BCO1: variants seen among roughly 807,000 people sequenced by gnomAD.
The protein encoded by BCO1 is beta-carotene oxygenase 1, also known as beta,beta-carotene 15,15'-dioxygenase.
A neutral mutation model predicts 56.3 loss-of-function variants in BCO1; 54 were observed. That is an observed-to-expected ratio of 0.96 (90% CI 0.77 to 1.20). The LOEUF (loss-of-function observed/expected upper bound fraction) is 1.20, where lower values mean the gene tolerates loss of function less well. Among genes scored for constraint, BCO1 ranks in the 50% most tolerant of loss-of-function variants. BCO1 has a pLI of 0.00. For synonymous variants in BCO1, 318 were observed against 266.1 expected (o/e 1.20, Z -1.90); for missense variants, 801 against 690.9 (o/e 1.16, Z -1.79).
chr16:81,281,964 G>A (rs913969470), intron 8 of BCO1, among the ~76,000 whole-genome samples: 1 of 152,234 alleles, frequency 6.6e-6, no homozygotes, highest in African/African-American at 2.4e-5. Context: ...TGCTCACAGC[G>A]TATCAGCAGC....
chr16:81,273,024 C>T (rs1409491418), intron 7 of BCO1, among the ~76,000 whole-genome samples: 1 of 151,988 alleles, frequency 6.6e-6, no homozygotes, highest in Non-Finnish European at 1.5e-5. Flanking sequence ...GGCTGGAGTG[C>T]AGTGGTTTAA....
At position 81,274,306 on chromosome 16, in the gene BCO1, C is replaced by A. The variant is rs540569492; in HGVS notation, c.1101+3890C>A. Among the ~76,000 whole-genome samples, 61 of 144,084 alleles carry A rather than the reference C, an allele frequency of 4.2e-4. No individual in the cohort carries two copies. The South Asian group carries it at 0.011, about 27-fold the overall frequency. 94.5% of individuals were successfully genotyped at this position (144,084 alleles called of 152,430 possible). On this transcript the variant is annotated intron_variant, in intron 7 of 10. Coordinates refer to ENST00000258168, the MANE Select transcript of BCO1 (RefSeq NM_017429.3). ...TGAGACAGAGTCTCGCTCTGTCGCC[C>A]AGGCTGGAGTGCAGTGGCGTGATCT...
intron 8 of BCO1, among the ~76,000 whole-genome samples, chr16:81,282,758 C>T (rs190449479): frequency 3.5e-4 from 53 of 152,218 alleles, no homozygotes; most frequent in African/African-American, 1.2e-3. Flanking sequence ...AGAAACCACC[C>T]GTAATCCCTG....
intron 3 of BCO1, among the ~76,000 whole-genome samples, chr16:81,260,283 A>G (rs1188184839): frequency 2.0e-5 from 3 of 151,530 alleles, no homozygotes; most frequent in Non-Finnish European, 4.4e-5. Flanking sequence ...CACTCTACAG[A>G]AGCTTTTCCA....
intron 2 of BCO1, among the ~76,000 whole-genome samples, chr16:81,249,730 G>C (rs549711828): frequency 6.6e-6 from 1 of 152,288 alleles, no homozygotes; most frequent in Non-Finnish European, 1.5e-5. Context: ...TCTGGCATTG[G>C]CTGGGAAAAT....
intron 7 of BCO1, among the ~76,000 whole-genome samples, chr16:81,271,890 C>T (rs1907239306): frequency 6.6e-6 from 1 of 151,904 alleles, no homozygotes; most frequent in Non-Finnish European, 1.5e-5. Context: ...GCTGGGATTA[C>T]AGGTGCCCAC....
chr16:81,287,441 C>T (rs373199983), intron 10 of BCO1, 35 bp downstream of exon 10: 24 of 1,527,300 alleles, frequency 1.6e-5, no homozygotes, highest in Non-Finnish European at 1.9e-5. Flanking sequence ...AGTTGCTGCA[C>T]GTTACTGCAG....
chr16:81,260,917 T>A (rs1238982535), intron 3 of BCO1, among the ~76,000 whole-genome samples: 5 of 152,218 alleles, frequency 3.3e-5, no homozygotes, highest in Admixed American at 6.5e-5. Flanking sequence ...ATCTTCTTTC[T>A]GAAACTCTCT....
intron 7 of BCO1, among the ~76,000 whole-genome samples, chr16:81,279,509 A>C (rs1312653406): frequency 6.6e-6 from 1 of 152,248 alleles, no homozygotes; most frequent in Non-Finnish European, 1.5e-5. Flanking sequence ...GAAGCAGCTG[A>C]CATTCATCTA....
At chr16:81,284,707 A>T (rs1268540117) in intron 8 of BCO1, among the ~76,000 whole-genome samples, 1 of 151,846 alleles carries the variant, frequency 6.6e-6, no homozygotes, top group Non-Finnish European at 1.5e-5. Flanking sequence ...TTGGTCTCAA[A>T]CTCCTGGCCT....
intron 1 of BCO1, among the ~76,000 whole-genome samples, chr16:81,240,059 T>G (rs916207904): frequency 1.2e-4 from 18 of 151,910 alleles, no homozygotes; most frequent in Non-Finnish European, 1.9e-4. Flanking sequence ...TGGGAGTCTT[T>G]TGAAACAAAA....
At position 81,262,291 on chromosome 16, in the gene BCO1, C is replaced by T. The variant is rs754667038; in HGVS notation, c.471+8C>T. The T allele has an allele frequency of 8.7e-6, 14 of 1,611,132 alleles. No individual in the cohort carries two copies. Among genetic ancestry groups the T allele is most frequent in the South Asian group, 3.3e-5 (3 of 91,022 alleles). On this transcript the variant is annotated splice_region_variant and intron_variant, in intron 4 of 10. Transcript: ENST00000258168. ...CTGGAAACCCTGGAGAAGGTATCAA[C>T]ACATATGTAACCAGCATCACTTCCT... is the stretch of plus-strand genomic sequence containing the variant.
In BCO1 at chr16:81,251,258, T is replaced by TA. The variant is rs529248705; in HGVS notation, c.193+5665dup. On this transcript the variant is annotated intron_variant, in intron 2 of 10. Coordinates refer to ENST00000258168, the MANE Select transcript of BCO1 (RefSeq NM_017429.3). ...CAGAGGCCAGTAGAAATTAATGCTCTAAAAAAAAAACAAAGAGGGACCAGA... is the reference window on the plus strand; with the variant it reads ...CAGAGGCCAGTAGAAATTAATGCTCTAAAAAAAAAAACAAAGAGGGACCAGA... Among the ~76,000 whole-genome samples, 587 of 147,668 alleles carry TA rather than the reference T, an allele frequency of 4.0e-3. 3 individuals are homozygous for TA. Among genetic ancestry groups the TA allele is most frequent in the Middle Eastern group, 0.017 (5 of 286 alleles).
In BCO1 at chr16:81,245,587, C is replaced by T; in HGVS notation, c.177C>T (p.Ser59=). The T allele has an allele frequency of 8.7e-6, 14 of 1,614,224 alleles. No homozygotes were observed. The highest frequency in any genetic ancestry group is 1.2e-5 in the Non-Finnish European group (14 of 1,180,036). ...HWFDGLALLH[S]FTIRDGEVYY... ...TCGACGGCCTTGCCCTGCTCCACAG[C>T]TTCACCATCAGAGACGGTGAGAACA... Residue 59 remains serine, a synonymous_variant, in exon 2 of 11, where the codon AGC becomes AGT. Transcript: ENST00000258168.
At chr16:81,267,847 T>C in intron 5 of BCO1, 61 bp from the exon 6 acceptor site, 1 of 1,413,452 alleles carries the variant, frequency 7.1e-7, no homozygotes, top group South Asian at 1.2e-5. Flanking sequence ...GATGGTGGTG[T>C]GGTCTTGGGG....
intron 2 of BCO1, among the ~76,000 whole-genome samples, chr16:81,246,982 A>G (rs7191987): frequency 6.6e-6 from 1 of 151,898 alleles, no homozygotes; most frequent in African/African-American, 2.4e-5. Flanking sequence ...AGGGAAATGG[A>G]TAAATATAGG....
At position 81,272,320 on chromosome 16, in the gene BCO1, G is replaced by A. The variant is rs544819311; in HGVS notation, c.1101+1904G>A. ...TTTTTAGTAGAGACAGGGTTTCACC[G>A]TGTTAGCCAGGATGGTCTCAACCTC... On this transcript the variant is annotated intron_variant, in intron 7 of 10. Coordinates refer to ENST00000258168, the MANE Select transcript of BCO1 (RefSeq NM_017429.3). 4.8e-4 allele frequency among the ~76,000 whole-genome samples: 73 copies of A among 151,406 alleles called. 1 individual carries two copies. Among genetic ancestry groups the A allele is most frequent in the South Asian group, 8.4e-4 (4 of 4,788 alleles).
intron 8 of BCO1, among the ~76,000 whole-genome samples, chr16:81,284,223 T>C (rs953072756): frequency 7.4e-6 from 1 of 134,364 alleles, no homozygotes; most frequent in South Asian, 2.4e-4. Flanking sequence ...ACTATATATA[T>C]ATATATTTTT....
chr16:81,248,199 C>G (rs1390322281), intron 2 of BCO1, among the ~76,000 whole-genome samples: 2 of 151,798 alleles, frequency 1.3e-5, no homozygotes, highest in South Asian at 4.2e-4. Flanking sequence ...ATCAGGAGTT[C>G]GAGACCAGCC....
Sources: gnomAD v4.1 joint callset for allele counts (sites outside exome capture counted in the v4.1 genomes callset) on GRCh38, gnomAD v4.1.1 for gene constraint, MANE v1.5 for transcripts, NCBI Gene and HGNC (gene_info 2026-07-23, HGNC 2026-07-21) for gene names.